FTCD: variants seen among roughly 807,000 people sequenced by gnomAD.
The protein encoded by FTCD is formimidoyltransferase-cyclodeaminase.
A neutral mutation model predicts 62.9 loss-of-function variants in FTCD; 76 were observed. That is an observed-to-expected ratio of 1.21 (90% CI 1.00 to 1.46). FTCD has a LOEUF of 1.46. FTCD is among the 40% of genes most tolerant of loss of function. FTCD has a pLI of 0.00. For missense variants in FTCD, 845 were observed against 751.3 expected (o/e 1.12, Z -1.46); for synonymous variants, 397 against 336.9 (o/e 1.18, Z -1.95).
chr21:46,146,071 C>T (rs2079140684), intron 8 of FTCD, 124 bp from the exon 9 acceptor site: 1 of 720,040 alleles, frequency 1.4e-6, no homozygotes, highest in Non-Finnish European at 2.3e-6. Flanking sequence ...CGGCTGAGAA[C>T]CTGCGGGGAC....
At chr21:46,150,713 G>C (rs768494123) in intron 5 of FTCD, among the ~76,000 whole-genome samples, 188 bp from the exon 6 acceptor site, 31 of 152,048 alleles carry the variant, frequency 2.0e-4, no homozygotes, top group Non-Finnish European at 3.8e-4. Context: ...TTGCCACAGG[G>C]AAACGGAGGC....
At chr21:46,143,556 T>A (rs2123511478) in intron 10 of FTCD, among the ~76,000 whole-genome samples, 1 of 152,352 alleles carries the variant, frequency 6.6e-6, no homozygotes, top group African/African-American at 2.4e-5. Context: ...ATTATAATAA[T>A]CTTTGCTCTG....
chr21:46,155,239 C>T (rs1408166497), intron 1 of FTCD, among the ~76,000 whole-genome samples: 1 of 152,214 alleles, frequency 6.6e-6, no homozygotes, highest in African/African-American at 2.4e-5. Flanking sequence ...CCTGAAGCCA[C>T]AGCCAAGCCT....
chr21:46,151,531 C>A (rs1488276621), intron 5 of FTCD, 27 bp downstream of exon 5: 2 of 1,599,242 alleles, frequency 1.3e-6, no homozygotes, highest in Non-Finnish European at 1.7e-6. Context: ...CTGGGTGGGG[C>A]TCCATGGGGT....
intron 5 of FTCD, 73 bp from the exon 6 acceptor site, chr21:46,150,598 A>T: frequency 1.3e-6 from 2 of 1,490,180 alleles, no homozygotes; most frequent in Non-Finnish European, 9.4e-7. Flanking sequence ...CTCTCCTGGC[A>T]CTTGCATTCC....
intron 1 of FTCD, 86 bp downstream of exon 1, chr21:46,155,384 G>C: frequency 2.6e-6 from 3 of 1,153,498 alleles, no homozygotes; most frequent in Non-Finnish European, 3.9e-6. Flanking sequence ...GGGACACCAA[G>C]CCCACCACCT....
At chr21:46,140,288 G>A (rs978435321) in intron 10 of FTCD, among the ~76,000 whole-genome samples, 14 of 149,014 alleles carry the variant, frequency 9.4e-5, no homozygotes, top group Non-Finnish European at 2.1e-4. Context: ...TGTTCACAGG[G>A]AATGTAAATC....
At position 46,154,371 on chromosome 21, in the gene FTCD, G is replaced by T. The variant is rs758925567; in HGVS notation, c.55-39C>A. 3.8e-6 allele frequency: 6 copies of T among 1,587,084 alleles called. No individual in the cohort carries two copies. The Admixed American group carries it at 1.1e-4, about 28-fold the overall frequency. On this transcript the variant is annotated intron_variant, in intron 1 of 13. Coordinates refer to ENST00000397746, the MANE Select transcript of FTCD (RefSeq NM_206965.2). ...CCGGCCCCCACACCTCAGTCTCCCCGTTTGAAAGAAGGAAAAGGAGCTTGG... is the reference window on the plus strand; with the variant it reads ...CCGGCCCCCACACCTCAGTCTCCCCTTTTGAAAGAAGGAAAAGGAGCTTGG...
chr21:46,151,414 A>G (rs1190613722), intron 5 of FTCD, 144 bp downstream of exon 5: 24 of 755,614 alleles, frequency 3.2e-5, no homozygotes, highest in Non-Finnish European at 3.6e-5. Context: ...GTGGACGCGG[A>G]GGCTGGGCCG....
rs746635363 is a variant in FTCD, at chr21:46,150,425, A to T, written c.737T>A (p.Leu246Gln). 1 of 1,613,026 alleles carries T rather than the reference A, an allele frequency of 6.2e-7. No individual in the cohort carries two copies. Among genetic ancestry groups the T allele is most frequent in the Admixed American group, 1.7e-5 (1 of 60,010 alleles). The change falls in exon 6 of 14, where the codon CTG (leucine) becomes CAG (glutamine). Residue 246 changes from leucine to glutamine, a missense_variant. Physicochemically the swap from Leu to Gln is moderately radical, Grantham distance 113. Transcript: ENST00000397746. ...GCAGGTCTCCTCGTAGACCGTGTGC[A>T]GTGCCGTGACCTCAAAGTCCAGAAG... ...TNLLDFEVTA[L>Q]HTVYEETCRE...
At chr21:46,146,606 C>T (rs772722020) in intron 7 of FTCD, 1 of 556,830 alleles carries the variant, frequency 1.8e-6, no homozygotes, top group Non-Finnish European at 3.2e-6. Flanking sequence ...AAGGAGTTGC[C>T]CCCTGGGGAC....
intron 7 of FTCD, 99 bp downstream of exon 7, chr21:46,150,020 G>A: frequency 1.8e-6 from 2 of 1,127,598 alleles, no homozygotes; most frequent in Non-Finnish European, 2.6e-6. Flanking sequence ...AGGGGGAGGA[G>A]GGGGAGGGAA....
At position 46,154,295 on chromosome 21, in the gene FTCD, G is replaced by A. The variant is rs371619712; in HGVS notation, c.92C>T (p.Pro31Leu). The A allele has an allele frequency of 4.0e-5, 64 of 1,611,620 alleles. No individual in the cohort carries two copies. The highest frequency in any genetic ancestry group is 2.3e-4 in the African/African-American group (17 of 75,008). ...GTCCACATCCAGCAGCACGCAGCCC[G>A]GGGTCTGTGTGATGGCTCCAGAGAT... ...DAISGAITQT[P>L]GCVLLDVDAG... is the part of the protein sequence containing the mutation. Residue 31 changes from proline to leucine, a missense_variant, in exon 2 of 14, where the codon CCG becomes CTG. By Grantham distance (98) the Pro-to-Leu change is moderately conservative. Transcript: ENST00000397746.
chr21:46,149,803 G>GA (rs2079223505), intron 7 of FTCD, among the ~76,000 whole-genome samples: 1 of 152,202 alleles, frequency 6.6e-6, no homozygotes, highest in Non-Finnish European at 1.5e-5. Context: ...AGGGGTGCAG[G>GA]ACGCCCCGAT....
At chr21:46,152,314 A>C in intron 3 of FTCD, 4 of 312,238 alleles carry the variant, frequency 1.3e-5, no homozygotes, top group East Asian at 5.5e-5. Flanking sequence ...AACCACATAA[A>C]TATAACGGCA....
At position 46,154,195 on chromosome 21, in the gene FTCD, G is replaced by C; in HGVS notation, c.192C>G (p.Asn64Lys). Reference sequence around the variant, plus strand: ...TAAGTCGGGAAGCTACCCGGGCAGCGTTGAGGGCCCCCTCCACCACGCACT... The same window carrying C: ...TAAGTCGGGAAGCTACCCGGGCAGCCTTGAGGGCCCCCTCCACCACGCACT... ...PPECVVEGAL[N>K]AARVASRLID... Residue 64 changes from asparagine to lysine, a missense_variant, in exon 2 of 14, where the codon AAC becomes AAG. Coordinates refer to ENST00000397746, the MANE Select transcript of FTCD (RefSeq NM_206965.2). 2.5e-6 allele frequency: 4 copies of C among 1,612,842 alleles called. No individual in the cohort carries two copies. Among genetic ancestry groups the C allele is most frequent in the Non-Finnish European group, 3.4e-6 (4 of 1,179,982 alleles).
intron 7 of FTCD, among the ~76,000 whole-genome samples, chr21:46,147,265 C>T (rs116137540): frequency 0.013 from 1,941 of 148,370 alleles, 55 homozygotes; most frequent in African/African-American, 0.046. Flanking sequence ...TTCCCAGTCC[C>T]TGCCTTCCCT....
chr21:46,148,856 C>T (rs546560522), intron 7 of FTCD, among the ~76,000 whole-genome samples: 13 of 152,262 alleles, frequency 8.5e-5, no homozygotes, highest in African/African-American at 2.6e-4. Context: ...ATGGGAATCA[C>T]TGGGACACTG....
At position 46,138,542 on chromosome 21, in the gene FTCD, C is replaced by A; in HGVS notation, c.1409G>T (p.Arg470Leu). The A allele has an allele frequency of 6.3e-7, 1 of 1,586,498 alleles. No homozygotes were observed. The highest frequency in any genetic ancestry group is 8.5e-7 in the Non-Finnish European group (1 of 1,173,392). ...TGACCGGCAGGCCAGGTTCCCACAC[C>A]GGGCCAGTTCCTGCAGGGCCGGCCA... ...SLWPALQELA[R>L]CGNLACRSDL... Residue 470 changes from arginine to leucine, a missense_variant, in exon 12 of 14, where the codon CGG becomes CTG. By Grantham distance (102) the Arg-to-Leu change is moderately radical (BLOSUM62 -2). Coordinates refer to ENST00000397746, the MANE Select transcript of FTCD (RefSeq NM_206965.2).
Sources: gnomAD v4.1 joint callset for allele counts (sites outside exome capture counted in the v4.1 genomes callset) on GRCh38, gnomAD v4.1.1 for gene constraint, MANE v1.5 for transcripts, NCBI Gene and HGNC (gene_info 2026-07-23, HGNC 2026-07-21) for gene names.